MACF1: variants seen among roughly 807,000 people sequenced by gnomAD.
The protein encoded by MACF1 is microtubule actin crosslinking factor 1, also known as microtubule-actin cross-linking factor 1.
Under a neutral mutation model 854.8 loss-of-function variants are expected in MACF1, and 193 were observed. The observed-to-expected ratio is 0.23, with a 90% CI of 0.20 to 0.25. MACF1 has a LOEUF of 0.25. MACF1 is among the 10% of genes least tolerant of loss of function. The pLI is 1.00. For synonymous variants in MACF1, 3,185 were observed against 3,226.7 expected (o/e 0.99, Z 0.44); for missense variants, 7,722 against 8,929.1 (o/e 0.86, Z 5.45).
chr1:39,385,705 G>A lies in MACF1; in HGVS notation c.14120G>A (p.Ser4707Asn). The stretch of plus-strand genomic sequence containing the variant: ...GTGAGGGCAGTTGGACAACGGCTGA[G>A]TGTCCAGTCAGCTATCAGCACCCAA... The part of the protein sequence containing the change: ...EKVRAVGQRL[S>N]VQSAISTQPE... Residue 4707 changes from serine (S) to asparagine (N), a missense_variant, in exon 57 of 101, where the codon AGT becomes AAT. By Grantham distance (46) the Ser-to-Asn change is conservative. Transcript: ENST00000564288. The A allele has an allele frequency of 6.2e-7, 1 of 1,614,198 alleles. No individual in the cohort carries two copies. Among genetic ancestry groups the A allele is most frequent in the Non-Finnish European group, 8.5e-7 (1 of 1,180,028 alleles).
intron 2 of MACF1, among the ~76,000 whole-genome samples, chr1:39,151,370 C>T (rs1383200491): frequency 6.6e-6 from 1 of 152,086 alleles, no homozygotes; most frequent in Non-Finnish European, 1.5e-5. Flanking sequence ...TCGTTACTGC[C>T]AGAATGCTCT....
intron 89 of MACF1, among the ~76,000 whole-genome samples, chr1:39,455,606 G>A (rs1644420163): frequency 6.6e-6 from 1 of 152,148 alleles, no homozygotes; most frequent in African/African-American, 2.4e-5. Context: ...ACTCAAGGGA[G>A]GGGGATTACA....
At chr1:39,350,719 A>G in intron 42 of MACF1, 66 bp from the exon 43 acceptor site, 4 of 1,145,928 alleles carry the variant, frequency 3.5e-6, no homozygotes, top group Admixed American at 3.6e-5. Flanking sequence ...TTCCATCTTT[A>G]TACCATTAGA....
chr1:39,135,533 C>T (rs1643143791), intron 2 of MACF1, among the ~76,000 whole-genome samples: 4 of 152,076 alleles, frequency 2.6e-5, no homozygotes, highest in Non-Finnish European at 4.4e-5. Context: ...CCACTGCGTC[C>T]GGCCAGATTA....
At chr1:39,110,877 G>A (rs920224108) in intron 2 of MACF1, among the ~76,000 whole-genome samples, 3 of 152,166 alleles carry the variant, frequency 2.0e-5, no homozygotes, top group Non-Finnish European at 4.4e-5. Flanking sequence ...ATGGTGGAAA[G>A]AATACTTCAG....
At chr1:39,186,065 C>A (rs1162220179) in intron 2 of MACF1, among the ~76,000 whole-genome samples, 4 of 151,854 alleles carry the variant, frequency 2.6e-5, no homozygotes, top group Non-Finnish European at 5.9e-5. Context: ...AGCTAAAGGC[C>A]TTTAATCATG....
intron 31 of MACF1, among the ~76,000 whole-genome samples, chr1:39,320,153 G>A (rs543410592): frequency 7.2e-5 from 11 of 152,036 alleles, no homozygotes; most frequent in South Asian, 2.1e-4. Context: ...TATATTCTCC[G>A]TTGGCTCTTG....
intron 2 of MACF1, among the ~76,000 whole-genome samples, chr1:39,173,351 A>AAAAAAAAG (rs1553155692): frequency 3.9e-4 from 49 of 126,218 alleles, no homozygotes; most frequent in South Asian, 9.8e-4. Flanking sequence ...AAAAAAAAAA[A>AAAAAAAAG]AAAGAAAGAA....
intron 2 of MACF1, among the ~76,000 whole-genome samples, chr1:39,168,070 G>T (rs1263901088): frequency 1.3e-5 from 2 of 152,166 alleles, no homozygotes; most frequent in African/African-American, 4.8e-5. Context: ...CTGTGTAGTA[G>T]CTGAAGAGTA....
chr1:39,128,353 G>T (rs928494685), intron 2 of MACF1, among the ~76,000 whole-genome samples: 2 of 152,072 alleles, frequency 1.3e-5, no homozygotes, highest in Admixed American at 6.6e-5. Context: ...GAGACTACAG[G>T]ACTGCACCAC....
chr1:39,118,026 T>C (rs1448396952), intron 2 of MACF1, among the ~76,000 whole-genome samples: 1 of 152,220 alleles, frequency 6.6e-6, no homozygotes, highest in African/African-American at 2.4e-5. Context: ...CAGGACCTTT[T>C]TGCCATATTA....
chr1:39,395,432 G>A (rs1281080952), intron 58 of MACF1, among the ~76,000 whole-genome samples: 1 of 152,204 alleles, frequency 6.6e-6, no homozygotes, highest in East Asian at 1.9e-4. Flanking sequence ...CTTTAAGCCA[G>A]GCTCTGGATT....
At chr1:39,371,155 C>T (rs1557614920) in intron 51 of MACF1, among the ~76,000 whole-genome samples, 1 of 151,644 alleles carries the variant, frequency 6.6e-6, no homozygotes, top group South Asian at 2.1e-4. Context: ...CCCATCTCTA[C>T]GAAAAATACA....
At chr1:39,197,872 C>T (rs1419941852) in intron 2 of MACF1, among the ~76,000 whole-genome samples, 1 of 151,956 alleles carries the variant, frequency 6.6e-6, no homozygotes, top group Non-Finnish European at 1.5e-5. Flanking sequence ...GGCGACAGAG[C>T]GAGACCATGT....
At position 39,429,695 on chromosome 1, in the gene MACF1, A is replaced by G. The variant is rs184254180; in HGVS notation, c.16889-132A>G. The G allele has an allele frequency of 7.7e-3, 6,727 of 871,516 alleles. 44 individuals are homozygous for G. The highest frequency in any genetic ancestry group is 9.0e-3 in the Non-Finnish European group (4,967 of 552,592). The allele number at this position is 871,516 out of a possible 1,614,324, so 54.0% of individuals were successfully genotyped here. A position where few individuals can be genotyped will look rare whatever the true frequency, so the allele number is the denominator to read the frequency against. On this transcript the variant is annotated intron_variant, in intron 64 of 100. Transcript: ENST00000564288. Reference sequence around the variant, plus strand: ...ATTTCCCATTTGCCCTTAGTATGGGATAGGTGAAATCATTACCACAGAGAG... The same window carrying G: ...ATTTCCCATTTGCCCTTAGTATGGGGTAGGTGAAATCATTACCACAGAGAG...
At chr1:39,319,631 G>A (rs368994760) in intron 30 of MACF1, 33 bp from the exon 31 acceptor site, 3 of 1,396,560 alleles carry the variant, frequency 2.1e-6, no homozygotes, top group African/African-American at 1.4e-5. Flanking sequence ...GGTGGTAATG[G>A]CAATGATAAT....
intron 2 of MACF1, among the ~76,000 whole-genome samples, chr1:39,100,055 A>G (rs1471379630): frequency 6.6e-6 from 1 of 152,138 alleles, no homozygotes; most frequent in Non-Finnish European, 1.5e-5. Context: ...GTCTCTACAA[A>G]TAGCACAAAA....
At chr1:39,443,709 T>C (rs1644165483) in intron 79 of MACF1, 135 bp downstream of exon 79, 1 of 957,292 alleles carries the variant, frequency 1.0e-6, no homozygotes, top group Admixed American at 2.9e-5. Flanking sequence ...GTATAACCTT[T>C]GGGGATTGCT....
intron 2 of MACF1, among the ~76,000 whole-genome samples, chr1:39,152,656 C>A (rs1331632811): frequency 6.6e-6 from 1 of 152,138 alleles, no homozygotes; most frequent in Non-Finnish European, 1.5e-5. Flanking sequence ...GAGGTGCCAC[C>A]ATACATTCTA....
Sources: allele counts gnomAD v4.1 joint callset (sites outside exome capture counted in the v4.1 genomes callset), GRCh38; gene constraint gnomAD v4.1.1; transcripts MANE v1.5; gene names NCBI Gene and HGNC (gene_info 2026-07-23, HGNC 2026-07-21).